The following MAGI1 variants were observed in gnomAD, a reference collection of about 807,000 sequenced individuals.
MAGI1 encodes the protein membrane-associated guanylate kinase, WW and PDZ domain-containing protein 1.
MAGI1 carries 58 observed loss-of-function variants against 139.9 expected under a neutral mutation model. The observed-to-expected ratio is 0.41, with a 90% CI of 0.34 to 0.52. The LOEUF (loss-of-function observed/expected upper bound fraction) is 0.52. MAGI1 is among the 20% of genes least tolerant of loss of function. MAGI1 has a pLI of 0.12. For missense variants in MAGI1, 1,874 were observed against 1,901.6 expected, an observed-to-expected ratio of 0.99 and a Z score of 0.27; for synonymous variants, 812 against 737.9, an observed-to-expected ratio of 1.10 and a Z score of -1.63.
chr3:65,408,153 G>T (rs1433013382), intron 12 of MAGI1, among the ~76,000 whole-genome samples: 1 of 152,116 alleles, frequency 6.6e-6, no homozygotes, highest in Non-Finnish European at 1.5e-5. Flanking sequence ...AATCATCCTT[G>T]TCCAAGTATA....
intron 1 of MAGI1, among the ~76,000 whole-genome samples, chr3:66,031,467 C>T (rs1000801450): frequency 6.6e-6 from 1 of 152,124 alleles, no homozygotes; most frequent in African/African-American, 2.4e-5. Flanking sequence ...GGTGAGCCAA[C>T]TGTATGCCAT....
chr3:65,590,042 G>A (rs1034849463), intron 2 of MAGI1, among the ~76,000 whole-genome samples: 1 of 151,998 alleles, frequency 6.6e-6, no homozygotes, highest in Non-Finnish European at 1.5e-5. Context: ...ATATACACAT[G>A]GTTGCGTCCT....
chr3:65,534,708 A>G (rs1211648999), intron 2 of MAGI1, among the ~76,000 whole-genome samples: 1 of 152,190 alleles, frequency 6.6e-6, no homozygotes, highest in Admixed American at 6.5e-5. Flanking sequence ...GATGTCAGTG[A>G]GAACACTGAC....
rs759370405 is a variant in MAGI1 at position 66,038,360 on chromosome 3, C to CA, written c.-53dup. The CA allele has an allele frequency of 3.3e-6, 5 of 1,506,932 alleles. No individual in the cohort carries two copies. Among genetic ancestry groups the CA allele is most frequent in the Non-Finnish European group, 4.4e-6 (5 of 1,131,862 alleles). 93.3% of individuals were successfully genotyped at this position (1,506,932 alleles called of 1,614,324 possible). On this transcript the variant is annotated 5_prime_UTR_variant, in exon 1 of 23. Transcript: ENST00000402939. ...AATAAAACGAGAGACAGGTGCCCCC[C>CA]ACAGCACGAGCCCCCAAGCCTCCGC...
At chr3:65,572,594 A>G (rs1293486198) in intron 2 of MAGI1, among the ~76,000 whole-genome samples, 1 of 152,148 alleles carries the variant, frequency 6.6e-6, no homozygotes, top group Non-Finnish European at 1.5e-5. Context: ...TCAGGCATTG[A>G]GTGCAAAGTT....
chr3:65,733,193 G>T (rs950558830), intron 1 of MAGI1, among the ~76,000 whole-genome samples: 2 of 152,062 alleles, frequency 1.3e-5, no homozygotes, highest in South Asian at 4.2e-4. Flanking sequence ...CGAGTAGCTG[G>T]GATCACAGGC....
At chr3:65,725,966 T>C (rs184218854) in intron 1 of MAGI1, among the ~76,000 whole-genome samples, 26 of 152,312 alleles carry the variant, frequency 1.7e-4, no homozygotes, top group African/African-American at 6.3e-4. Flanking sequence ...GAAACTATTA[T>C]TTAAAGGGTT....
intron 2 of MAGI1, among the ~76,000 whole-genome samples, chr3:65,497,252 A>C (rs1162984734): frequency 3.3e-5 from 5 of 152,212 alleles, no homozygotes; most frequent in African/African-American, 9.6e-5. Context: ...GGGGAAAAAA[A>C]GCCAAGAAGT....
Position 65,647,563 on chromosome 3 carries a change from T to C in MAGI1, c.314-25475A>G, listed in dbSNP as rs1027551939. 5.9e-5 allele frequency among the ~76,000 whole-genome samples: 9 copies of C among 152,040 alleles called. No homozygotes were observed. The East Asian group carries it at 1.7e-3, about 29-fold the overall frequency. Reference sequence around the variant, plus strand: ...GAAAACAATATACACTATGACCAAGTGGGGTGATTATTCCAGGGATGCAAG... The same window carrying C: ...GAAAACAATATACACTATGACCAAGCGGGGTGATTATTCCAGGGATGCAAG... On this transcript the variant is annotated intron_variant, in intron 1 of 22. Coordinates refer to ENST00000402939, the MANE Select transcript of MAGI1 (RefSeq NM_001033057.2).
At chr3:66,030,040 T>C (rs1028785541) in intron 1 of MAGI1, among the ~76,000 whole-genome samples, 3 of 152,148 alleles carry the variant, frequency 2.0e-5, no homozygotes, top group Non-Finnish European at 4.4e-5. Flanking sequence ...AAATGTGACC[T>C]TATCTCTGAC....
chr3:65,463,932 C>A (rs992782395), intron 5 of MAGI1, among the ~76,000 whole-genome samples: 4 of 152,188 alleles, frequency 2.6e-5, no homozygotes, highest in African/African-American at 7.2e-5. Flanking sequence ...TTATACTATT[C>A]TCTGATGGTA....
At chr3:65,921,606 G>A (rs529595000) in intron 1 of MAGI1, among the ~76,000 whole-genome samples, 25 of 152,014 alleles carry the variant, frequency 1.6e-4, no homozygotes, top group African/African-American at 5.3e-4. Flanking sequence ...CACCGTGCCC[G>A]GCTGACTTAT....
intron 12 of MAGI1, among the ~76,000 whole-genome samples, chr3:65,405,830 T>A (rs1945291475): frequency 7.4e-6 from 1 of 134,726 alleles, no homozygotes; most frequent in Admixed American, 7.5e-5. Context: ...CCTGACCTCA[T>A]GATCCACCCA....
At chr3:65,768,084 T>C (rs964259404) in intron 1 of MAGI1, among the ~76,000 whole-genome samples, 7 of 152,216 alleles carry the variant, frequency 4.6e-5, no homozygotes, top group African/African-American at 9.6e-5. Flanking sequence ...TAGGCAAGCA[T>C]TCTATTCCTA....
At chr3:65,678,435 C>G (rs528143057) in intron 1 of MAGI1, among the ~76,000 whole-genome samples, 10 of 151,764 alleles carry the variant, frequency 6.6e-5, no homozygotes, top group Non-Finnish European at 1.2e-4. Context: ...CTCTGCAAAC[C>G]AAGAAATTAA....
At chr3:65,969,544 C>T (rs528021200) in intron 1 of MAGI1, among the ~76,000 whole-genome samples, 75 of 152,298 alleles carry the variant, frequency 4.9e-4, no homozygotes, top group Non-Finnish European at 1.0e-3. Flanking sequence ...TGGGGAAGGA[C>T]GCTGACTGCC....
chr3:65,526,006 T>C (rs1368354969), intron 2 of MAGI1, among the ~76,000 whole-genome samples: 3 of 152,200 alleles, frequency 2.0e-5, no homozygotes, highest in African/African-American at 4.8e-5. Context: ...AAAGGCTTCC[T>C]AATCTTTGCA....
intron 1 of MAGI1, chr3:65,720,050 T>A (rs1423637675): frequency 6.6e-6 from 1 of 152,148 alleles, no homozygotes; most frequent in African/African-American, 2.4e-5. Flanking sequence ...TTAAATGGAG[T>A]CTTTGGGTGA....
chr3:65,987,222 T>C (rs1387251257), intron 1 of MAGI1, among the ~76,000 whole-genome samples: 1 of 152,162 alleles, frequency 6.6e-6, no homozygotes, highest in Non-Finnish European at 1.5e-5. Context: ...GCTACACATT[T>C]CACTCATGTG....
Sources: allele counts gnomAD v4.1 joint callset (sites outside exome capture counted in the v4.1 genomes callset), GRCh38; gene constraint gnomAD v4.1.1; transcripts MANE v1.5; gene names NCBI Gene and HGNC (gene_info 2026-07-23, HGNC 2026-07-21).